DPYD: variants seen among roughly 807,000 people sequenced by gnomAD.
The protein encoded by DPYD is dihydropyrimidine dehydrogenase [NADP(+)].
A neutral mutation model predicts 116.2 loss-of-function variants in DPYD; 109 were observed. That is an observed-to-expected ratio of 0.94 (90% confidence interval 0.80 to 1.10). DPYD has a LOEUF of 1.10. DPYD is among the 50% of genes least tolerant of loss of function. DPYD has a pLI of 0.00. For synonymous variants in DPYD, 440 were observed against 432.0 expected (o/e 1.02, Z -0.23); for missense variants, 1,302 against 1,254.5 (o/e 1.04, Z -0.57).
chr1:97,080,908 G>A (rs891768940), intron 22 of DPYD, among the ~76,000 whole-genome samples: 5 of 151,944 alleles, frequency 3.3e-5, no homozygotes, highest in African/African-American at 1.2e-4. Flanking sequence ...AGAATTCCAC[G>A]GTGGGAGCCA....
intron 20 of DPYD, among the ~76,000 whole-genome samples, chr1:97,117,844 T>C (rs1443125706): frequency 2.0e-5 from 3 of 152,172 alleles, no homozygotes; most frequent in Non-Finnish European, 4.4e-5. Context: ...TTGTGCCTGA[T>C]ATCTTTTTAA....
At chr1:97,782,314 A>G (rs1666791937) in intron 3 of DPYD, among the ~76,000 whole-genome samples, 1 of 152,120 alleles carries the variant, frequency 6.6e-6, no homozygotes, top group Non-Finnish European at 1.5e-5. Context: ...TTCTCTACAG[A>G]TTTGCCTTTC....
chr1:97,903,119 G>A (rs574438600), intron 1 of DPYD, among the ~76,000 whole-genome samples: 5 of 151,836 alleles, frequency 3.3e-5, no homozygotes, highest in African/African-American at 4.8e-5. Flanking sequence ...TGTGGGTTGT[G>A]AGCAACATTC....
intron 2 of DPYD, chr1:97,855,295 A>G (rs758417762): frequency 1.3e-5 from 2 of 152,392 alleles, no homozygotes; most frequent in Non-Finnish European, 2.9e-5. Flanking sequence ...TGGAACTGCT[A>G]TGACAGGTGA....
intron 16 of DPYD, among the ~76,000 whole-genome samples, chr1:97,345,212 T>A (rs1046650822): frequency 1.3e-5 from 2 of 152,044 alleles, no homozygotes; most frequent in East Asian, 3.9e-4. Flanking sequence ...CATTTTCCCC[T>A]GCTTACATGA....
At chr1:97,520,397 C>G (rs187885354) in intron 12 of DPYD, among the ~76,000 whole-genome samples, 1 of 152,158 alleles carries the variant, frequency 6.6e-6, no homozygotes, top group Non-Finnish European at 1.5e-5. Context: ...CTGATTCATT[C>G]AAGCATATAC....
intron 3 of DPYD, among the ~76,000 whole-genome samples, chr1:97,751,460 G>GTGTATGTA (rs763260651): frequency 4.7e-5 from 1 of 21,274 alleles, no homozygotes; most frequent in Non-Finnish European, 8.1e-5. Flanking sequence ...GTGTGTGTGT[G>GTGTATGTA]TATATATATA....
intron 14 of DPYD, among the ~76,000 whole-genome samples, chr1:97,428,398 T>A (rs2101721237): frequency 6.6e-6 from 1 of 152,268 alleles, no homozygotes; most frequent in African/African-American, 2.4e-5. Context: ...CTTCAAATTC[T>A]GAACATGAAA....
Position 97,835,824 on chromosome 1 carries a change from T to C in DPYD, c.151-7628A>G, listed in dbSNP as rs545211916. ...TTGATATTTACTATTTTGGAAGCCA[T>C]TATAATTTACTTACTCACTTAATCT... On this transcript the variant is annotated intron_variant, in intron 2 of 22. Coordinates refer to ENST00000370192, the MANE Select transcript of DPYD (RefSeq NM_000110.4). 7.2e-5 allele frequency among the ~76,000 whole-genome samples: 11 copies of C among 152,236 alleles called. No homozygotes were observed. The South Asian group carries it at 1.7e-3, about 23-fold the overall frequency.
chr1:97,542,911 A>T (rs1650562191), intron 12 of DPYD, among the ~76,000 whole-genome samples: 1 of 151,902 alleles, frequency 6.6e-6, no homozygotes, highest in Non-Finnish European at 1.5e-5. Flanking sequence ...ATCTGTTAAG[A>T]CTCTATACAT....
chr1:97,686,713 G>T (rs1443894944), intron 7 of DPYD, among the ~76,000 whole-genome samples: 2 of 148,844 alleles, frequency 1.3e-5, no homozygotes, highest in Non-Finnish European at 3.0e-5. Flanking sequence ...GAAAATCTAG[G>T]AAATACCATT....
intron 13 of DPYD, among the ~76,000 whole-genome samples, chr1:97,471,670 C>T (rs980707615): frequency 6.6e-6 from 1 of 151,440 alleles, no homozygotes; most frequent in Non-Finnish European, 1.5e-5. Flanking sequence ...CTCACTGTAA[C>T]CTCAGCCTGC....
Position 97,129,249 on chromosome 1 carries a change from A to G in DPYD, c.2623-30617T>C, listed in dbSNP as rs143496416. On this transcript the variant is annotated intron_variant, in intron 20 of 22. Transcript: ENST00000370192. ...CAGCTAATTTTTTGTATTTTTTAGT[A>G]TAGACAGGGTTTCACCATGTTGGCC... 1.5e-3 allele frequency among the ~76,000 whole-genome samples: 225 copies of G among 151,912 alleles called. 1 individual carries two copies. Among genetic ancestry groups the G allele is most frequent in the South Asian group, 0.01 (48 of 4,798 alleles).
chr1:97,310,241 G>A (rs1320223187), intron 16 of DPYD, among the ~76,000 whole-genome samples: 2 of 151,678 alleles, frequency 1.3e-5, no homozygotes, highest in Non-Finnish European at 2.9e-5. Flanking sequence ...CATGCCAAGA[G>A]GTGGCTAGAA....
Position 97,493,266 on chromosome 1 carries a change from T to C in DPYD, c.1740+22460A>G, listed in dbSNP as rs1679068660. On this transcript the variant is annotated intron_variant, in intron 13 of 22. Transcript: ENST00000370192. ...ATAATGTTGGGACACCTTTAAAATA[T>C]TGCAGAGAGCACTGGAGAGAGGATA... Among the ~76,000 whole-genome samples, 5 of 152,170 alleles carry C rather than the reference T, an allele frequency of 3.3e-5. No homozygotes were observed. The South Asian group carries it at 1.0e-3, about 31-fold the overall frequency.
chr1:97,653,199 T>G (rs1378305644), intron 8 of DPYD, among the ~76,000 whole-genome samples: 2 of 152,092 alleles, frequency 1.3e-5, no homozygotes, highest in African/African-American at 4.8e-5. Context: ...GTATAGTGCA[T>G]GGACAAATAA....
chr1:97,141,598 T>C (rs1173278367), intron 20 of DPYD, among the ~76,000 whole-genome samples: 3 of 152,194 alleles, frequency 2.0e-5, no homozygotes, highest in African/African-American at 7.2e-5. Context: ...CCTTGCCTTC[T>C]CCACCCTTCC....
intron 3 of DPYD, among the ~76,000 whole-genome samples, chr1:97,804,685 T>C (rs962646104): frequency 6.6e-6 from 1 of 151,822 alleles, no homozygotes; most frequent in Non-Finnish European, 1.5e-5. Context: ...AGATAACAGG[T>C]TGCATATTCT....
intron 13 of DPYD, among the ~76,000 whole-genome samples, chr1:97,461,389 C>T (rs748374361): frequency 5.3e-5 from 8 of 152,106 alleles, no homozygotes; most frequent in Non-Finnish European, 1.0e-4. Context: ...CTTTGGAAAA[C>T]AGAGGGAAAG....
Sources: allele counts gnomAD v4.1 joint callset (sites outside exome capture counted in the v4.1 genomes callset), GRCh38; gene constraint gnomAD v4.1.1; transcripts MANE v1.5; gene names NCBI Gene and HGNC (gene_info 2026-07-23, HGNC 2026-07-21).